The following ATP8A1 variants were observed in gnomAD, a reference collection of about 807,000 sequenced individuals.
The protein encoded by ATP8A1 is phospholipid-transporting ATPase IA.
A neutral mutation model predicts 177.7 loss-of-function variants in ATP8A1; 90 were observed. The observed-to-expected ratio is 0.51, with a 90% CI of 0.43 to 0.60. The LOEUF is 0.60. Among genes scored for constraint, ATP8A1 ranks in the 20% least tolerant of loss-of-function variants. ATP8A1 has a pLI of 0.00. For missense variants in ATP8A1, 1,072 were observed against 1,392.8 expected (o/e 0.77, Z 3.67); for synonymous variants, 493 against 485.9 (o/e 1.01, Z -0.19).
intron 4 of ATP8A1, among the ~76,000 whole-genome samples, chr4:42,620,660 G>A (rs1465700630): frequency 6.6e-6 from 1 of 152,180 alleles, no homozygotes; most frequent in Non-Finnish European, 1.5e-5. Context: ...CTTTGGACAA[G>A]TTACCGTACC....
chr4:42,495,415 T>C (rs1185738046), intron 24 of ATP8A1, among the ~76,000 whole-genome samples: 2 of 152,140 alleles, frequency 1.3e-5, no homozygotes, highest in Non-Finnish European at 2.9e-5. Context: ...ACGCAACACA[T>C]ATATCAATAC....
chr4:42,473,803 G>T (rs555194538), intron 25 of ATP8A1, among the ~76,000 whole-genome samples: 2 of 146,712 alleles, frequency 1.4e-5, no homozygotes, highest in African/African-American at 5.0e-5. Context: ...ACGCCACCAT[G>T]CATGGCTAAT....
intron 24 of ATP8A1, among the ~76,000 whole-genome samples, chr4:42,489,267 C>T (rs1393469726): frequency 2.0e-5 from 3 of 152,132 alleles, no homozygotes; most frequent in Non-Finnish European, 4.4e-5. Context: ...AAAACAAGAC[C>T]GAAAGTCAAG....
intron 20 of ATP8A1, among the ~76,000 whole-genome samples, chr4:42,529,979 T>C (rs1727097803): frequency 6.6e-6 from 1 of 152,234 alleles, no homozygotes; most frequent in African/African-American, 2.4e-5. Flanking sequence ...AGTATGTGGA[T>C]GGACCTCTGA....
At chr4:42,627,256 C>T (rs1738207340) in intron 1 of ATP8A1, 147 bp from the exon 2 acceptor site, 1 of 603,070 alleles carries the variant, frequency 1.7e-6, no homozygotes, top group Non-Finnish European at 2.9e-6. Flanking sequence ...AAGTAACATC[C>T]CCATATTTAA....
intron 5 of ATP8A1, among the ~76,000 whole-genome samples, chr4:42,609,786 T>C (rs28738697): frequency 0.23 from 34,189 of 151,914 alleles, 4,334 homozygotes; most frequent in Non-Finnish European, 0.29. Context: ...GTGCCTCTCC[T>C]TGCCACCTCT....
chr4:42,483,152 G>A (rs1721861962), intron 25 of ATP8A1, among the ~76,000 whole-genome samples: 1 of 152,116 alleles, frequency 6.6e-6, no homozygotes, highest in African/African-American at 2.4e-5. Context: ...ATATTCTGAG[G>A]TCAGTAAGCA....
chr4:42,489,817 G>GTT (rs5857849), intron 24 of ATP8A1, among the ~76,000 whole-genome samples: 1 of 151,844 alleles, frequency 6.6e-6, no homozygotes, highest in Admixed American at 6.6e-5. Flanking sequence ...CTGTTGTTTT[G>GTT]TTTTTTTGGC....
intron 6 of ATP8A1, among the ~76,000 whole-genome samples, chr4:42,593,378 T>C (rs1734387391): frequency 6.6e-6 from 1 of 152,040 alleles, no homozygotes; most frequent in Non-Finnish European, 1.5e-5. Context: ...CAAAAACCTA[T>C]AGGTACATGG....
intron 22 of ATP8A1, among the ~76,000 whole-genome samples, chr4:42,514,983 AAATT>A (rs1188912526): frequency 6.6e-6 from 1 of 152,238 alleles, no homozygotes; most frequent in Non-Finnish European, 1.5e-5. Context: ...AACATTGTTA[AAATT>A]AATAAATTAT....
At chr4:42,580,337 G>GGAAGACAGGC (rs539072519) in intron 10 of ATP8A1, among the ~76,000 whole-genome samples, 65 of 152,290 alleles carry the variant, frequency 4.3e-4, no homozygotes, top group African/African-American at 1.5e-3. Context: ...TTTCCGTTCA[G>GGAAGACAGGC]GAAGACAGGC....
chr4:42,616,059 T>G lies in ATP8A1; in HGVS notation c.383A>C (p.Asn128Thr). The change falls in exon 5 of 37, where the codon AAT becomes ACT. Residue 128 changes from asparagine (N) to threonine (T), a missense_variant. This residue lies in a region of ATP8A1 where 344 missense variants were observed against 393.5 expected (regional missense o/e 0.87). Transcript: ENST00000381668. ...TTGCGTTTGTTTCTTGTTCACTGCA[T>G]TATCAGCTTTATGTCGTTTCTAAAG... Reference protein sequence around the residue: ...IEDIKRHKADNAVNKKQTQVL... With the variant: ...IEDIKRHKADTAVNKKQTQVL... 1 of 1,612,178 alleles carries G rather than the reference T, an allele frequency of 6.2e-7. No homozygotes were observed. The highest frequency in any genetic ancestry group is 8.5e-7 in the Non-Finnish European group (1 of 1,179,328).
Position 42,409,665 on chromosome 4 carries a change from T to C in ATP8A1, c.*3251A>G, listed in dbSNP as rs954616520. 4 of 152,180 alleles carry C rather than the reference T, an allele frequency of 2.6e-5. No individual in the cohort carries two copies. Among genetic ancestry groups the C allele is most frequent in the African/African-American group, 7.2e-5 (3 of 41,460 alleles). 9.4% of individuals were successfully genotyped at this position (152,180 alleles called of 1,614,324 possible). A position where few individuals can be genotyped will look rare whatever the true frequency, so the allele number is the denominator to read the frequency against. ...CGATTATTTAGCTTTGTAGTAATTA[T>C]GACATTGTCATAATTTTAAAACTAT... On this transcript the variant is annotated 3_prime_UTR_variant, in exon 37 of 37. Transcript: ENST00000381668.
At chr4:42,636,802 T>C (rs1739441827) in intron 1 of ATP8A1, among the ~76,000 whole-genome samples, 1 of 152,136 alleles carries the variant, frequency 6.6e-6, no homozygotes, top group African/African-American at 2.4e-5. Context: ...TGCTCCTCAT[T>C]GACTTAAAAG....
At chr4:42,617,853 T>G (rs1344189764) in intron 4 of ATP8A1, among the ~76,000 whole-genome samples, 2 of 152,196 alleles carry the variant, frequency 1.3e-5, no homozygotes, top group Non-Finnish European at 2.9e-5. Flanking sequence ...ATGAAACAAG[T>G]GTGTTGAATA....
At position 42,487,164 on chromosome 4, in the gene ATP8A1, G is replaced by A. The variant is rs17630664; in HGVS notation, c.2152-1496C>T. On this transcript the variant is annotated intron_variant, in intron 24 of 36. Transcript: ENST00000381668. ...AGTTGGGGATGGTGACCTGTGACTT[G>A]GTAATCTTGATGGATCAAATAAAAG... Among the ~76,000 whole-genome samples the A allele has an allele frequency of 1.1e-3, 167 of 152,178 alleles. No individual in the cohort carries two copies. The East Asian group carries it at 0.031, about 28-fold the overall frequency.
chr4:42,584,724 C>T (rs909297590), intron 9 of ATP8A1, among the ~76,000 whole-genome samples: 1 of 152,194 alleles, frequency 6.6e-6, no homozygotes, highest in Non-Finnish European at 1.5e-5. Flanking sequence ...ATCCTCATGG[C>T]TTTAAATATC....
rs181768828 is a variant in ATP8A1, at chr4:42,459,777, A to G, written c.2620-4178T>C. On this transcript the variant is annotated intron_variant, in intron 27 of 36. Coordinates refer to ENST00000381668, the MANE Select transcript of ATP8A1 (RefSeq NM_006095.2). ...TGTTTATATTTCCACATATTAGGTTATTTTTTTAATTTTTATTTATTTATT... is the reference window on the plus strand; with the variant it reads ...TGTTTATATTTCCACATATTAGGTTGTTTTTTTAATTTTTATTTATTTATT... Among the ~76,000 whole-genome samples, 531 of 135,536 alleles carry G rather than the reference A, an allele frequency of 3.9e-3. 2 individuals carry two copies. Among genetic ancestry groups the G allele is most frequent in the South Asian group, 0.016 (68 of 4,252 alleles). The allele number at this position is 135,536 out of a possible 152,430, so 88.9% of individuals were successfully genotyped here. A position where few individuals can be genotyped will look rare whatever the true frequency, so the allele number is the denominator to read the frequency against.
At chr4:42,450,711 T>C (rs956507591) in intron 30 of ATP8A1, among the ~76,000 whole-genome samples, 5 of 152,242 alleles carry the variant, frequency 3.3e-5, no homozygotes, top group African/African-American at 9.6e-5. Context: ...ACCTCGCTTA[T>C]GCCACAAGCT....
Sources: gnomAD v4.1 joint callset for allele counts (sites outside exome capture counted in the v4.1 genomes callset) on GRCh38, gnomAD v4.1.1 for gene constraint, gnomAD v4.1.1 regional missense constraint, MANE v1.5 for transcripts, NCBI Gene and HGNC (gene_info 2026-07-23, HGNC 2026-07-21) for gene names.